The following NABP2 variants were observed in gnomAD, a reference collection of about 807,000 sequenced individuals.
The protein encoded by NABP2 is nucleic acid binding protein 2.
NABP2 carries 7 observed loss-of-function variants against 22.7 expected under a neutral mutation model. The observed-to-expected ratio is 0.31, with a 90% CI of 0.18 to 0.58. The LOEUF is 0.58. NABP2 is among the 20% of genes least tolerant of loss of function. The pLI is 0.89. For missense variants in NABP2, 188 were observed against 265.9 expected, an observed-to-expected ratio of 0.71 and a Z score of 2.04; for synonymous variants, 107 against 99.2, an observed-to-expected ratio of 1.08 and a Z score of -0.47.
intron 1 of NABP2, 164 bp downstream of exon 1, chr12:56,224,605 G>T: frequency 8.1e-7 from 1 of 1,228,116 alleles, no homozygotes; most frequent in Non-Finnish European, 1.1e-6. Context: ...GAGACTAAAA[G>T]AGCATCCCGG....
At position 56,229,482 on chromosome 12, in the gene NABP2, C is replaced by T. The variant is rs570378873; in HGVS notation, c.*269C>T. The T allele has an allele frequency of 3.1e-4, 138 of 446,452 alleles. 2 individuals carry two copies. Among genetic ancestry groups the T allele is most frequent in the South Asian group, 5.1e-4 (22 of 43,048 alleles). 27.7% of individuals were successfully genotyped at this position (446,452 alleles called of 1,614,324 possible). On this transcript the variant is annotated 3_prime_UTR_variant, in exon 7 of 7. Coordinates refer to ENST00000267023, the MANE Select transcript of NABP2 (RefSeq NM_024068.4). The stretch of plus-strand genomic sequence containing the variant: ...GGGCGCAGTGGCTCACGCTTGTAAT[C>T]CCAGCACTTTGGGAAGCCGAGGTGG...
At chr12:56,225,761 A>G in intron 4 of NABP2, 66 bp downstream of exon 4, 1 of 1,503,600 alleles carries the variant, frequency 6.7e-7, no homozygotes, top group East Asian at 2.3e-5. Flanking sequence ...AGGAGGCAGC[A>G]TAGGGTGTGC....
At position 56,229,087 on chromosome 12, in the gene NABP2, T is replaced by TTGGCCCC; in HGVS notation, c.510_511insTGGCCCC (p.Pro171TrpfsTer32). On this transcript the variant is annotated frameshift_variant, in exon 7 of 7. Transcript: ENST00000267023. LOFTEE classifies it high-confidence loss of function. ...GTGGTGGCCCACATCCCCCTCATAC[T>TTGGCCCC]CCCTCCCACCCACCCAGCACCCGAA... 1.1e-5 allele frequency: 16 copies of TTGGCCCC among 1,512,296 alleles called. No homozygotes were observed. Among genetic ancestry groups the TTGGCCCC allele is most frequent in the Non-Finnish European group, 1.4e-5 (15 of 1,101,966 alleles). The allele number at this position is 1,512,296 out of a possible 1,614,324, so 93.7% of individuals were successfully genotyped here. A position where few individuals can be genotyped will look rare whatever the true frequency, so the allele number is the denominator to read the frequency against.
chr12:56,226,105 C>G, intron 4 of NABP2, 74 bp from the exon 5 acceptor site: 1 of 1,396,246 alleles, frequency 7.2e-7, no homozygotes, highest in East Asian at 2.3e-5. Context: ...CCGAACCTAT[C>G]TGGACTTTTC....
chr12:56,225,734 G>A (rs1869731747), intron 4 of NABP2, 39 bp downstream of exon 4: 10 of 1,605,324 alleles, frequency 6.2e-6, no homozygotes, highest in Non-Finnish European at 8.5e-6. Flanking sequence ...AGAAGCACCA[G>A]GGCAAAGGGG....
chr12:56,227,117 A>G (rs926930973), intron 6 of NABP2, among the ~76,000 whole-genome samples: 87 of 151,670 alleles, frequency 5.7e-4, no homozygotes, highest in African/African-American at 2.0e-3. Flanking sequence ...GCTCATGCCT[A>G]TAATCTCAGC....
At chr12:56,227,818 C>G (rs979633792) in intron 6 of NABP2, among the ~76,000 whole-genome samples, 1 of 151,998 alleles carries the variant, frequency 6.6e-6, no homozygotes, top group Admixed American at 6.6e-5. Context: ...ATCTCTAAAA[C>G]AGTAAAAATT....
Position 56,229,087 on chromosome 12 carries a change from T to TTGCCGACC in NABP2, c.510_511insTGCCGACC (p.Pro171CysfsTer65). On this transcript the variant is annotated frameshift_variant, in exon 7 of 7. Coordinates refer to ENST00000267023, the MANE Select transcript of NABP2 (RefSeq NM_024068.4). LOFTEE classifies it high-confidence loss of function. ...GTGGTGGCCCACATCCCCCTCATAC[T>TTGCCGACC]CCCTCCCACCCACCCAGCACCCGAA... 2 of 1,512,340 alleles carry TTGCCGACC rather than the reference T, an allele frequency of 1.3e-6. No homozygotes were observed. The highest frequency in any genetic ancestry group is 1.8e-6 in the Non-Finnish European group (2 of 1,102,008). 93.7% of individuals were successfully genotyped at this position (1,512,340 alleles called of 1,614,324 possible).
At chr12:56,228,192 C>CA (rs1261967265) in intron 6 of NABP2, among the ~76,000 whole-genome samples, 4 of 151,732 alleles carry the variant, frequency 2.6e-5, no homozygotes, top group Admixed American at 6.6e-5. Flanking sequence ...AACTCCAACT[C>CA]AAAAAAATAA....
upstream of NABP2, chr12:56,224,276 A>C: frequency 6.2e-6 from 6 of 962,614 alleles, no homozygotes; most frequent in Non-Finnish European, 7.4e-6. Context: ...GGCGGGACGC[A>C]GGGCGCGCCC....
intron 4 of NABP2, 47 bp downstream of exon 4, chr12:56,225,742 G>A: frequency 6.3e-7 from 1 of 1,588,594 alleles, no homozygotes; most frequent in Non-Finnish European, 8.6e-7. Context: ...CAGGGCAAAG[G>A]GGTTTGCAAG....
At chr12:56,222,278 G>T (rs1034576188), upstream of NABP2, 1 of 152,284 alleles carries the variant, frequency 6.6e-6, no homozygotes, top group Non-Finnish European at 1.5e-5. Context: ...ACCTGCTGCG[G>T]GTCCGGCCCC....
In NABP2 at chr12:56,228,123, C is replaced by T. The variant is rs540400538; in HGVS notation, c.437-891C>T. ...AGAAGAATTGCTTGAACCTGGGAGG[C>T]GGAGGTTGTAGTGAGCTGGGATCGC... is the stretch of plus-strand genomic sequence containing the variant. On this transcript the variant is annotated intron_variant, in intron 6 of 6. Transcript: ENST00000267023. Among the ~76,000 whole-genome samples, 14 of 151,928 alleles carry T rather than the reference C, an allele frequency of 9.2e-5. No individual in the cohort carries two copies. In the Middle Eastern group the frequency reaches 0.017, roughly 186 times the overall value.
chr12:56,224,814 A>C lies in NABP2; in HGVS notation c.-23-20A>C. 1 of 1,601,882 alleles carries C rather than the reference A, an allele frequency of 6.2e-7. No individual in the cohort carries two copies. Among genetic ancestry groups the C allele is most frequent in the African/African-American group, 1.3e-5 (1 of 74,894 alleles). ...CAAAGGATCCAAGCATTGAGCCTTC[A>C]TCCTCTATTCCCCATCCAGTGGGGT... is the stretch of plus-strand genomic sequence containing the variant. On this transcript the variant is annotated intron_variant, in intron 1 of 6. Transcript: ENST00000267023.
In NABP2 at chr12:56,229,087, T is replaced by TGGCCGCCCCCCC; in HGVS notation, c.510_511insGGCCGCCCCCCC (p.Thr170_Pro171insGlyArgProPro). 1 of 1,512,344 alleles carries TGGCCGCCCCCCC rather than the reference T, an allele frequency of 6.6e-7. No individual in the cohort carries two copies. The highest frequency in any genetic ancestry group is 9.1e-7 in the Non-Finnish European group (1 of 1,102,012). 93.7% of individuals were successfully genotyped at this position (1,512,344 alleles called of 1,614,324 possible). ...GTGGTGGCCCACATCCCCCTCATAC[T>TGGCCGCCCCCCC]CCCTCCCACCCACCCAGCACCCGAA... On this transcript the variant is annotated inframe_insertion, in exon 7 of 7. Transcript: ENST00000267023.
chr12:56,227,438 C>T (rs2135834171), intron 6 of NABP2, among the ~76,000 whole-genome samples: 1 of 151,990 alleles, frequency 6.6e-6, no homozygotes, highest in South Asian at 2.1e-4. Context: ...ATAGTCCCTA[C>T]TGTATGCAAG....
At chr12:56,227,251 C>T (rs1592368207) in intron 6 of NABP2, among the ~76,000 whole-genome samples, 1 of 151,988 alleles carries the variant, frequency 6.6e-6, no homozygotes, top group East Asian at 2.0e-4. Flanking sequence ...TGGCAGGAGC[C>T]TGTAATCCCA....
intron 1 of NABP2, 82 bp from the exon 2 acceptor site, chr12:56,224,752 A>G (rs2135828752): frequency 8.1e-7 from 1 of 1,240,390 alleles, no homozygotes; most frequent in East Asian, 2.4e-5. Context: ...CCCCAGCCTA[A>G]TGGGGTAGGT....
At chr12:56,224,970 G>C (rs771750408) in intron 2 of NABP2, 35 bp downstream of exon 2, 7 of 1,497,670 alleles carry the variant, frequency 4.7e-6, no homozygotes, top group Middle Eastern at 2.0e-4. Flanking sequence ...CGCGGGATGG[G>C]GGTCGGGGGC....
Sources: allele counts gnomAD v4.1 joint callset (sites outside exome capture counted in the v4.1 genomes callset), GRCh38; gene constraint gnomAD v4.1.1; transcripts MANE v1.5; gene names NCBI Gene and HGNC (gene_info 2026-07-23, HGNC 2026-07-21).